The following PCGF5 variants were observed in gnomAD, a reference collection of about 807,000 sequenced individuals.
PCGF5 encodes the protein polycomb group ring finger 5, also known as polycomb group RING finger protein 5.
PCGF5 carries 9 observed loss-of-function variants against 44.3 expected under a neutral mutation model. That is an observed-to-expected ratio of 0.20 (90% CI 0.12 to 0.35). The LOEUF is 0.35. PCGF5 is among the 10% of genes least tolerant of loss of function. PCGF5 has a pLI of 1.00. For synonymous variants in PCGF5, 95 were observed against 102.5 expected (o/e 0.93, Z 0.44); for missense variants, 146 against 305.3 (o/e 0.48, Z 3.89).
At chr10:91,197,357 T>G (rs1156521486) in intron 1 of PCGF5, among the ~76,000 whole-genome samples, 1 of 152,178 alleles carries the variant, frequency 6.6e-6, no homozygotes, top group African/African-American at 2.4e-5. Flanking sequence ...TGATGTATTA[T>G]TTTCTGAGGA....
intron 1 of PCGF5, among the ~76,000 whole-genome samples, chr10:91,213,988 G>T (rs1314757087): frequency 6.6e-6 from 1 of 152,118 alleles, no homozygotes; most frequent in Non-Finnish European, 1.5e-5. Flanking sequence ...TCTTAATTCA[G>T]TAAGACTCAT....
upstream of PCGF5, among the ~76,000 whole-genome samples, chr10:91,216,844 G>A (rs182577519): frequency 1.1e-4 from 16 of 152,232 alleles, no homozygotes; most frequent in African/African-American, 3.4e-4. Flanking sequence ...CATAGATTTA[G>A]AGTTATAATA....
In PCGF5 at chr10:91,235,873, C is replaced by T. The variant is rs186848858; in HGVS notation, c.113-4611C>T. On this transcript the variant is annotated intron_variant, in intron 2 of 9. Coordinates refer to ENST00000336126, the MANE Select transcript of PCGF5 (RefSeq NM_032373.5). ...CATTTGGAACTGTAAGTCCAATAAA[C>T]CTCTTTCTTTTGTGAATTGCACAGT... is the stretch of plus-strand genomic sequence containing the variant. 1.1e-4 allele frequency among the ~76,000 whole-genome samples: 16 copies of T among 152,246 alleles called. No homozygotes were observed. The East Asian group carries it at 3.1e-3, about 29-fold the overall frequency.
At chr10:91,169,045 G>T (rs1019969634) in intron 1 of PCGF5, among the ~76,000 whole-genome samples, 4 of 151,614 alleles carry the variant, frequency 2.6e-5, no homozygotes, top group Non-Finnish European at 5.9e-5. Context: ...ACGTAGGAGG[G>T]CAATTAATAC....
At chr10:91,179,988 T>C (rs1843789169) in intron 1 of PCGF5, among the ~76,000 whole-genome samples, 1 of 152,158 alleles carries the variant, frequency 6.6e-6, no homozygotes, top group Non-Finnish European at 1.5e-5. Context: ...ATTTCTTTTT[T>C]TCCACAAACT....
At chr10:91,218,613 ATTAC>A (rs1844592084), upstream of PCGF5, among the ~76,000 whole-genome samples, 2 of 151,952 alleles carry the variant, frequency 1.3e-5, no homozygotes, top group Non-Finnish European at 2.9e-5. Context: ...CCCTCTTACC[ATTAC>A]TTTTGTTATT....
intron 1 of PCGF5, among the ~76,000 whole-genome samples, chr10:91,199,007 A>T (rs1037898294): frequency 2.0e-5 from 3 of 151,966 alleles, no homozygotes; most frequent in Admixed American, 1.3e-4. Flanking sequence ...CTGACCTTTT[A>T]TGTATTTATT....
intron 3 of PCGF5, among the ~76,000 whole-genome samples, chr10:91,247,606 G>T (rs1179730711): frequency 6.8e-6 from 1 of 148,086 alleles, no homozygotes; most frequent in Non-Finnish European, 1.5e-5. Context: ...GTGTTGTGGG[G>T]GCAAGAGAAT....
At chr10:91,275,759 A>G (rs1033310383) in intron 9 of PCGF5, among the ~76,000 whole-genome samples, 1 of 152,052 alleles carries the variant, frequency 6.6e-6, no homozygotes, top group Non-Finnish European at 1.5e-5. Context: ...AGCCAGAACT[A>G]CCTTCTTGAA....
chr10:91,180,521 G>T (rs1589353722), intron 1 of PCGF5, among the ~76,000 whole-genome samples: 1 of 152,270 alleles, frequency 6.6e-6, no homozygotes, highest in East Asian at 1.9e-4. Context: ...TGTATATTGT[G>T]TAAGGAAGGG....
intron 1 of PCGF5, among the ~76,000 whole-genome samples, chr10:91,193,490 G>A (rs1405039009): frequency 2.0e-5 from 3 of 149,214 alleles, no homozygotes; most frequent in African/African-American, 7.3e-5. Flanking sequence ...GTTCTAGACA[G>A]AGAGAACAGT....
At position 91,264,374 on chromosome 10, in the gene PCGF5, C is replaced by A. The variant is rs1301616909; in HGVS notation, c.574-57C>A. The A allele has an allele frequency of 4.3e-6, 6 of 1,379,986 alleles. No individual in the cohort carries two copies. The African/African-American group carries it at 7.4e-5, about 17-fold the overall frequency. The allele number at this position is 1,379,986 out of a possible 1,614,324, so 85.5% of individuals were successfully genotyped here. ...ATTTTTTGAAATTTCAAAAAATATGCAAAATACTTTTGAATTCAACATTAT... is the reference window on the plus strand; with the variant it reads ...ATTTTTTGAAATTTCAAAAAATATGAAAAATACTTTTGAATTCAACATTAT... On this transcript the variant is annotated intron_variant, in intron 7 of 9. Transcript: ENST00000336126.
chr10:91,214,270 C>A (rs1844502790), intron 1 of PCGF5, among the ~76,000 whole-genome samples: 1 of 150,896 alleles, frequency 6.6e-6, no homozygotes, highest in African/African-American at 2.4e-5. Flanking sequence ...CCACTGCATT[C>A]TGGCCTGGGA....
At chr10:91,179,246 A>G (rs1044786930) in intron 1 of PCGF5, among the ~76,000 whole-genome samples, 3 of 152,244 alleles carry the variant, frequency 2.0e-5, no homozygotes, top group Non-Finnish European at 2.9e-5. Context: ...ATAGGAGGAA[A>G]GCAAGGGAGA....
intron 1 of PCGF5, among the ~76,000 whole-genome samples, chr10:91,177,828 G>A (rs1394598057): frequency 1.3e-5 from 2 of 152,204 alleles, no homozygotes; most frequent in African/African-American, 2.4e-5. Flanking sequence ...GCTAGGGAAG[G>A]GAATTCCCTG....
At chr10:91,214,972 T>G (rs10881904) in intron 1 of PCGF5, among the ~76,000 whole-genome samples, 43,806 of 152,128 alleles carry the variant, frequency 0.29, 7,542 homozygotes, top group East Asian at 0.68. Flanking sequence ...TAAAATTTCA[T>G]ACTTCACTGG....
chr10:91,164,852 C>T (rs1038822680), intron 1 of PCGF5, among the ~76,000 whole-genome samples: 1 of 152,184 alleles, frequency 6.6e-6, no homozygotes, highest in African/African-American at 2.4e-5. Flanking sequence ...TTCTTCACTG[C>T]GCTTAATCGC....
At chr10:91,239,331 CTG>C (rs1845262613) in intron 2 of PCGF5, among the ~76,000 whole-genome samples, 1 of 152,162 alleles carries the variant, frequency 6.6e-6, no homozygotes, top group Admixed American at 6.5e-5. Flanking sequence ...CTGCTAATCT[CTG>C]TATGTACTAA....
intron 2 of PCGF5, among the ~76,000 whole-genome samples, chr10:91,238,911 T>G (rs568771607): frequency 6.6e-6 from 1 of 152,234 alleles, no homozygotes; most frequent in African/African-American, 2.4e-5. Context: ...TCTGATACTG[T>G]CTTTTACCCA....
Sources: gnomAD v4.1 joint callset for allele counts (sites outside exome capture counted in the v4.1 genomes callset) on GRCh38, gnomAD v4.1.1 for gene constraint, MANE v1.5 for transcripts, NCBI Gene and HGNC (gene_info 2026-07-23, HGNC 2026-07-21) for gene names.